Variants in AP2A2 observed in about 807,000 individuals in gnomAD.
The protein encoded by AP2A2 is AP-2 complex subunit alpha-2.
Under a neutral mutation model 104.2 loss-of-function variants are expected in AP2A2, and 32 were observed. The observed-to-expected ratio is 0.31, with a 90% confidence interval of 0.23 to 0.41. The LOEUF (loss-of-function observed/expected upper bound fraction) is 0.41, where lower values mean the gene tolerates loss of function less well. Among genes scored for constraint, AP2A2 ranks in the 10% least tolerant of loss-of-function variants. AP2A2 has a pLI of 1.00. For missense variants in AP2A2, 912 were observed against 1,261.0 expected, an observed-to-expected ratio of 0.72 and a Z score of 4.19; for synonymous variants, 539 against 533.3, an observed-to-expected ratio of 1.01 and a Z score of -0.15.
chr11:973,310 G>A (rs1854898224), intron 4 of AP2A2, among the ~76,000 whole-genome samples: 1 of 152,286 alleles, frequency 6.6e-6, no homozygotes, highest in South Asian at 2.1e-4. Flanking sequence ...CCAGGGTGCT[G>A]CACCCCACAC....
intron 2 of AP2A2, among the ~76,000 whole-genome samples, chr11:960,921 A>C (rs551734289): frequency 9.2e-5 from 14 of 151,710 alleles, no homozygotes; most frequent in African/African-American, 2.7e-4. Context: ...GGCCTCCCAG[A>C]GTGCTGGAAT....
At chr11:947,965 CT>C (rs1194992745) in intron 1 of AP2A2, among the ~76,000 whole-genome samples, 1 of 152,072 alleles carries the variant, frequency 6.6e-6, no homozygotes, top group East Asian at 1.9e-4. Flanking sequence ...CTTAAAAAAA[CT>C]TGGAGATAAA....
At chr11:929,242 T>G (rs1405860931) in intron 1 of AP2A2, among the ~76,000 whole-genome samples, 1 of 152,156 alleles carries the variant, frequency 6.6e-6, no homozygotes, top group Non-Finnish European at 1.5e-5. Flanking sequence ...CCTGGCCAGC[T>G]CTGATTTTGT....
intron 8 of AP2A2, among the ~76,000 whole-genome samples, chr11:986,407 C>CCGGCCTTCT (rs1345592761): frequency 2.0e-5 from 3 of 152,258 alleles, no homozygotes; most frequent in African/African-American, 4.8e-5. Flanking sequence ...AGCCGCGCTC[C>CCGGCCTTCT]CGGCCTTCTC....
chr11:1,006,816 G>A (rs1226540359), intron 17 of AP2A2, 199 bp downstream of exon 17: 2 of 566,266 alleles, frequency 3.5e-6, no homozygotes, highest in African/African-American at 3.8e-5. Context: ...ATATTGGAGA[G>A]CCAGCTTTTG....
At chr11:952,651 A>G (rs997299440) in intron 1 of AP2A2, among the ~76,000 whole-genome samples, 1 of 152,090 alleles carries the variant, frequency 6.6e-6, no homozygotes, top group Admixed American at 6.6e-5. Context: ...CGTCTCTTTA[A>G]CAAAGATCAG....
At position 972,176 on chromosome 11, in the gene AP2A2, C is replaced by G; in HGVS notation, c.394C>G (p.Leu132Val). Residue 132 changes from leucine to valine, a missense_variant, in exon 4 of 22, where the codon CTG (leucine) becomes GTG (valine). By Grantham distance (32) the Leu-to-Val change is conservative (BLOSUM62 1). Around this residue, in one of 7 missense-constraint regions of AP2A2, gnomAD observed 350 missense variants for 487.0 expected, o/e 0.72. Transcript: ENST00000448903. ...SRNPTFMGLA[L>V]HCIASVGSRE... ...CAACCCCACCTTCATGGGCCTGGCC[C>G]TGCACTGCATCGCCAGCGTGGGCAG... 1 of 1,613,146 alleles carries G rather than the reference C, an allele frequency of 6.2e-7. No individual in the cohort carries two copies. The highest frequency in any genetic ancestry group is 8.5e-7 in the Non-Finnish European group (1 of 1,179,742).
intron 1 of AP2A2, among the ~76,000 whole-genome samples, chr11:932,240 C>G (rs1312262054): frequency 1.3e-5 from 2 of 152,144 alleles, no homozygotes; most frequent in Admixed American, 6.5e-5. Context: ...GGCGTGAGCC[C>G]CTGTGCCTGG....
intron 2 of AP2A2, among the ~76,000 whole-genome samples, chr11:966,185 G>A (rs1368922676): frequency 2.0e-5 from 3 of 152,226 alleles, no homozygotes; most frequent in African/African-American, 7.2e-5. Context: ...GAGTTTTCCA[G>A]GTTGTGCACA....
chr11:983,570 A>G (rs955588168), intron 6 of AP2A2, among the ~76,000 whole-genome samples: 1 of 151,512 alleles, frequency 6.6e-6, no homozygotes, highest in Non-Finnish European at 1.5e-5. Context: ...TTTTTAGTAG[A>G]GATGGGGTTT....
rs1240968149 is a variant in AP2A2 at position 992,793 on chromosome 11, C to T, written c.1452+108C>T. ...TGGAGGTGCCGAGGGCCGTTGCTGA[C>T]CCCTCTTGCCCCTCAGCTCTTCCCT... On this transcript the variant is annotated intron_variant, in intron 11 of 21. Coordinates refer to ENST00000448903, the MANE Select transcript of AP2A2 (RefSeq NM_012305.4). The surrounding 1 kb of genome is among the most constrained non-coding windows in gnomAD (Gnocchi z 6.4). The T allele has an allele frequency of 1.8e-6, 2 of 1,137,720 alleles. No individual in the cohort carries two copies. The highest frequency in any genetic ancestry group is 1.4e-5 in the South Asian group (1 of 71,416). The allele number at this position is 1,137,720 out of a possible 1,614,324, so 70.5% of individuals were successfully genotyped here.
In AP2A2 at chr11:1,009,570, C is replaced by G. The variant is rs917260340; in HGVS notation, c.2608-113C>G. The stretch of plus-strand genomic sequence containing the variant: ...CAGCGCCAGGGTCTGGAGGGGCGGC[C>G]CCGGGGGACACGCAGCCCACGACCC... On this transcript the variant is annotated intron_variant, in intron 20 of 21. Coordinates refer to ENST00000448903, the MANE Select transcript of AP2A2 (RefSeq NM_012305.4). 3 of 1,233,704 alleles carry G rather than the reference C, an allele frequency of 2.4e-6. No individual in the cohort carries two copies. The African/African-American group carries it at 4.8e-5, about 20-fold the overall frequency. The allele number at this position is 1,233,704 out of a possible 1,614,324, so 76.4% of individuals were successfully genotyped here.
intron 1 of AP2A2, among the ~76,000 whole-genome samples, chr11:944,217 C>T (rs1853756273): frequency 2.0e-5 from 3 of 152,316 alleles, no homozygotes; most frequent in South Asian, 2.1e-4. Context: ...GTGATCCCGT[C>T]GCTCAGGAAA....
At chr11:959,936 T>C (rs1176110345) in intron 2 of AP2A2, among the ~76,000 whole-genome samples, 1 of 152,216 alleles carries the variant, frequency 6.6e-6, no homozygotes, top group Non-Finnish European at 1.5e-5. Context: ...CTGAACATCC[T>C]TACTTTGAAG....
intron 1 of AP2A2, among the ~76,000 whole-genome samples, chr11:935,535 C>G (rs1853424207): frequency 6.6e-6 from 1 of 151,066 alleles, no homozygotes; most frequent in Admixed American, 6.6e-5. Flanking sequence ...CTCCTGACCT[C>G]AAGTGATGCG....
At chr11:935,602 A>ATTTTTTTTTTTT (rs1589942821) in intron 1 of AP2A2, among the ~76,000 whole-genome samples, 2 of 40,660 alleles carry the variant, frequency 4.9e-5, no homozygotes, top group East Asian at 3.2e-3. Flanking sequence ...GTGCCCGGCC[A>ATTTTTTTTTTTT]GTTTTTTTTT....
rs374078818 is a variant in AP2A2 at position 988,632 on chromosome 11, C to T, written c.1212C>T (p.Ile404=). 1.7e-5 allele frequency: 28 copies of T among 1,613,548 alleles called. No individual in the cohort carries two copies. The highest frequency in any genetic ancestry group is 1.6e-4 in the Middle Eastern group (1 of 6,084). ...GCGACCGCAGCAACGCCCCACAGAT[C>T]GTGGCCGAGATGCTGAGCTATCTGG... ...AMCDRSNAPQ[I]VAEMLSYLET... The change falls in exon 10 of 22, where the codon ATC becomes ATT. Residue 404 remains isoleucine, a synonymous_variant. Transcript: ENST00000448903.
Position 1,009,806 on chromosome 11 carries a change from C to T in AP2A2, c.2731C>T (p.Leu911=). 1.3e-6 allele frequency: 2 copies of T among 1,546,458 alleles called. No individual in the cohort carries two copies. Among genetic ancestry groups the T allele is most frequent in the Non-Finnish European group, 8.8e-7 (1 of 1,142,786 alleles). The change falls in exon 21 of 22, where the codon CTG becomes TTG. Residue 911 remains leucine (L), a synonymous_variant. Coordinates refer to ENST00000448903, the MANE Select transcript of AP2A2 (RefSeq NM_012305.4). ...IGCLLRLEPN[L]QAQMYRLTLR... is the part of the protein sequence containing the mutation. ...ATGCCTGCTGCGCTTGGAGCCGAAC[C>T]TGCAAGCCCAGGTCAGGCCCTCAGG...
rs981038169 is a variant in AP2A2, at chr11:1,000,633, G to A, written c.2123+35G>A. ...TTTCCTGAGTCCTGCAGACAGGCACGGGGCTGCCGTGCCCCCTGACTTCTG... is the reference window on the plus strand; with the variant it reads ...TTTCCTGAGTCCTGCAGACAGGCACAGGGCTGCCGTGCCCCCTGACTTCTG... On this transcript the variant is annotated intron_variant, in intron 15 of 21. Transcript: ENST00000448903. The A allele has an allele frequency of 1.2e-5, 18 of 1,525,104 alleles. No homozygotes were observed. In the East Asian group the frequency reaches 1.2e-4, roughly 10 times the overall value. The allele number at this position is 1,525,104 out of a possible 1,614,324, so 94.5% of individuals were successfully genotyped here.
Sources: gnomAD v4.1 joint callset for allele counts (sites outside exome capture counted in the v4.1 genomes callset) on GRCh38, gnomAD v4.1.1 for gene constraint, gnomAD v4.1.1 regional missense constraint, Gnocchi (gnomAD v3.1) non-coding constraint, MANE v1.5 for transcripts, NCBI Gene and HGNC (gene_info 2026-07-23, HGNC 2026-07-21) for gene names.